Variants in N4BP2 observed in about 807,000 individuals in gnomAD.
N4BP2 encodes NEDD4 binding protein 2.
Under a neutral mutation model 152.8 loss-of-function variants are expected in N4BP2, and 91 were observed. That is an observed-to-expected ratio of 0.60 (90% CI 0.50 to 0.71). The LOEUF is 0.71. Among genes scored for constraint, N4BP2 ranks in the 30% least tolerant of loss-of-function variants. The pLI is 0.00. For missense variants in N4BP2, 1,923 were observed against 2,059.1 expected (o/e 0.93, Z 1.28); for synonymous variants, 646 against 705.3 (o/e 0.92, Z 1.33).
the N4BP2 span, among the ~76,000 whole-genome samples, chr4:40,183,615 C>T: frequency 6.6e-6 from 1 of 152,182 alleles, no homozygotes; most frequent in Non-Finnish European, 1.5e-5. Flanking sequence ...GGATTACAGG[C>T]GTGAGCCACT....
chr4:40,170,462 T>A, the N4BP2 span, among the ~76,000 whole-genome samples: 4 of 151,692 alleles, frequency 2.6e-5, no homozygotes, highest in South Asian at 8.3e-4. Flanking sequence ...CTACAAAAAA[T>A]ACAAAAATTA....
the N4BP2 span, among the ~76,000 whole-genome samples, chr4:40,178,100 C>G: frequency 1.3e-5 from 2 of 152,108 alleles, no homozygotes; most frequent in African/African-American, 2.4e-5. Flanking sequence ...GCGGAGGTTG[C>G]AGTGAGCCGA....
At chr4:40,173,778 T>G in the N4BP2 span, among the ~76,000 whole-genome samples, 1 of 152,196 alleles carries the variant, frequency 6.6e-6, no homozygotes, top group African/African-American at 2.4e-5. Context: ...TCACCTCTAT[T>G]GGCAAACCAG....
intron 1 of N4BP2, among the ~76,000 whole-genome samples, chr4:40,067,356 CT>C (rs34777132): frequency 0.84 from 122,286 of 145,650 alleles, 51,184 homozygotes; most frequent in South Asian, 0.94. Flanking sequence ...GCCTGGCCTC[CT>C]TTTTTTTTTT....
At chr4:40,189,417 G>C in the N4BP2 span, among the ~76,000 whole-genome samples, 3 of 152,156 alleles carry the variant, frequency 2.0e-5, no homozygotes, top group South Asian at 6.2e-4. This position sits in a 1 kb window ranked among gnomAD's most constrained non-coding sequence, Gnocchi z 4.3. Flanking sequence ...GTGAAGTGGA[G>C]GAATGGGGCT....
chr4:40,089,623 G>A (rs1472863659), intron 2 of N4BP2, among the ~76,000 whole-genome samples: 1 of 151,964 alleles, frequency 6.6e-6, no homozygotes, highest in African/African-American at 2.4e-5. Context: ...TTTTAGTAGA[G>A]ACGGGGTTTC....
At position 40,154,561 on chromosome 4, in the gene N4BP2, C is replaced by T. The variant is rs1413980758; in HGVS notation, c.*324C>T. 1 of 241,162 alleles carries T rather than the reference C, an allele frequency of 4.1e-6. No individual in the cohort carries two copies. The highest frequency in any genetic ancestry group is 7.9e-6 in the Non-Finnish European group (1 of 126,466). The allele number at this position is 241,162 out of a possible 1,614,324, so 14.9% of individuals were successfully genotyped here. ...TACCTTTGTATTAATTGTTGTATGA[C>T]ATTTAGTAATGTCCTAAAAGTCTTT... On this transcript the variant is annotated 3_prime_UTR_variant, in exon 18 of 18. Transcript: ENST00000261435.
intron 4 of N4BP2, among the ~76,000 whole-genome samples, chr4:40,105,572 C>T (rs1358939848): frequency 6.8e-6 from 1 of 147,406 alleles, no homozygotes; most frequent in Non-Finnish European, 1.5e-5. Context: ...TTTTAAGAGA[C>T]AGGGTCTTGC....
intron 16 of N4BP2, among the ~76,000 whole-genome samples, chr4:40,151,942 TTG>T (rs1450276984): frequency 7.0e-6 from 1 of 143,462 alleles, no homozygotes; most frequent in South Asian, 2.5e-4. Context: ...TGTTTATATT[TTG>T]TGTGTTTTAA....
Position 40,087,660 on chromosome 4 carries a change from C to T in N4BP2, c.-114-9567C>T, listed in dbSNP as rs113981519. On this transcript the variant is annotated intron_variant, in intron 2 of 17. Transcript: ENST00000261435. The stretch of plus-strand genomic sequence containing the variant: ...ATTACAGGCACGAGCCACCTTCCCC[C>T]ACTCCACGTGCACCCCGCCCCCTCC... Among the ~76,000 whole-genome samples, 886 of 152,216 alleles carry T rather than the reference C, an allele frequency of 5.8e-3. 1 individual carries two copies. The highest frequency in any genetic ancestry group is 9.4e-3 in the Non-Finnish European group (637 of 68,014).
At chr4:40,116,665 C>T (rs1486907082) in intron 7 of N4BP2, among the ~76,000 whole-genome samples, 3 of 151,988 alleles carry the variant, frequency 2.0e-5, no homozygotes, top group Non-Finnish European at 2.9e-5. Flanking sequence ...CTAGTTATTG[C>T]TTTCTGCTTC....
intron 2 of N4BP2, among the ~76,000 whole-genome samples, chr4:40,076,034 C>T (rs926457285): frequency 6.6e-5 from 10 of 151,864 alleles, no homozygotes; most frequent in Non-Finnish European, 1.0e-4. Context: ...CTATGTTGCC[C>T]GGGCTTGTAT....
the N4BP2 span, among the ~76,000 whole-genome samples, chr4:40,165,066 G>A: frequency 3.9e-5 from 6 of 151,930 alleles, no homozygotes; most frequent in Admixed American, 1.3e-4. Flanking sequence ...GGGTTACATA[G>A]GAATTTATTT....
chr4:40,070,484 T>A lies in N4BP2; in HGVS notation c.-211-2971T>A, dbSNP rs755540758. ...TTTTTTTTGAGACAGGGTCTTGCTC[T>A]GTTGCCCAGACTAGAGTACAGCAGC... On this transcript the variant is annotated intron_variant, in intron 1 of 17. Coordinates refer to ENST00000261435, the MANE Select transcript of N4BP2 (RefSeq NM_018177.6). Among the ~76,000 whole-genome samples, 78 of 152,118 alleles carry A rather than the reference T, an allele frequency of 5.1e-4. 2 individuals carry two copies. Among genetic ancestry groups the A allele is most frequent in the South Asian group, 1.9e-3 (9 of 4,826 alleles).
At chr4:40,060,333 C>T (rs1733557621) in intron 1 of N4BP2, among the ~76,000 whole-genome samples, 1 of 152,028 alleles carries the variant, frequency 6.6e-6, no homozygotes, top group Non-Finnish European at 1.5e-5. Context: ...CAACCTCTGC[C>T]TCCCAGGTTC....
intron 2 of N4BP2, among the ~76,000 whole-genome samples, chr4:40,075,489 C>T (rs896515741): frequency 6.6e-6 from 1 of 152,092 alleles, no homozygotes; most frequent in Non-Finnish European, 1.5e-5. Flanking sequence ...ACCTCTGCCT[C>T]CCAGTTAAAG....
intron 2 of N4BP2, among the ~76,000 whole-genome samples, chr4:40,092,481 C>G (rs1221695681): frequency 6.6e-6 from 1 of 151,772 alleles, no homozygotes; most frequent in Admixed American, 6.6e-5. Flanking sequence ...ATAGTAATAT[C>G]CCTTTTTCAT....
In N4BP2 at chr4:40,120,259, A is replaced by G; in HGVS notation, c.2148A>G (p.Thr716=). 6.2e-7 allele frequency: 1 copy of G among 1,613,972 alleles called. No individual in the cohort carries two copies. The highest frequency in any genetic ancestry group is 8.5e-7 in the Non-Finnish European group (1 of 1,179,966). Residue 716 remains threonine (T), a synonymous_variant, in exon 9 of 18, where the codon ACA becomes ACG. Coordinates refer to ENST00000261435, the MANE Select transcript of N4BP2 (RefSeq NM_018177.6). ...TAAAAGGGTATAGTAAAACTGACAC[A>G]GATAGTTCTATGGAGAGAGTATCAC... is the stretch of plus-strand genomic sequence containing the variant. ...VAVKGYSKTD[T]DSSMERVSPS...
At chr4:40,151,766 A>G (rs1334405900) in intron 16 of N4BP2, among the ~76,000 whole-genome samples, 1 of 152,148 alleles carries the variant, frequency 6.6e-6, no homozygotes, top group African/African-American at 2.4e-5. Context: ...GAAGTAATGG[A>G]TGTGGATTAG....
Sources: gnomAD v4.1 joint callset for allele counts (sites outside exome capture counted in the v4.1 genomes callset) on GRCh38, gnomAD v4.1.1 for gene constraint, Gnocchi (gnomAD v3.1) non-coding constraint, MANE v1.5 for transcripts, NCBI Gene and HGNC (gene_info 2026-07-23, HGNC 2026-07-21) for gene names.